The following PCDHA2 variants were observed in gnomAD, a reference collection of about 807,000 sequenced individuals.
PCDHA2 encodes the protein protocadherin alpha-2.
In PCDHA2, 58 loss-of-function variants were observed where a neutral mutation model predicts 66.0. That is an observed-to-expected ratio of 0.88 (90% CI 0.71 to 1.09). The LOEUF is 1.09. Ranked by LOEUF, PCDHA2 falls within the 50% of genes least tolerant of loss-of-function variation. The pLI, the probability that PCDHA2 is intolerant of heterozygous loss-of-function variation, is 0.00. For missense variants in PCDHA2, 1,267 were observed against 1,242.3 expected (o/e 1.02, Z -0.30); for synonymous variants, 634 against 554.0 (o/e 1.14, Z -2.03).
At chr5:140,800,588 T>C (rs1368911514) in intron 1 of PCDHA2, among the ~76,000 whole-genome samples, 1 of 152,230 alleles carries the variant, frequency 6.6e-6, no homozygotes, top group Non-Finnish European at 1.5e-5. Flanking sequence ...AGGTTAATGG[T>C]AAGTTGTCTT....
chr5:140,944,182 G>GTTTGT (rs750577669), intron 1 of PCDHA2, among the ~76,000 whole-genome samples: 5 of 152,052 alleles, frequency 3.3e-5, no homozygotes, highest in East Asian at 1.9e-4. Flanking sequence ...TTTTTTGTTG[G>GTTTGT]TTTGTTTTGT....
intron 1 of PCDHA2, among the ~76,000 whole-genome samples, chr5:140,957,226 C>T (rs1421287024): frequency 1.3e-5 from 2 of 152,080 alleles, no homozygotes; most frequent in African/African-American, 4.8e-5. Context: ...TTTGGCGAAG[C>T]ATTTTGGCAT....
chr5:140,863,326 G>T (rs782427157), intron 1 of PCDHA2: 3 of 1,432,470 alleles, frequency 2.1e-6, no homozygotes, highest in Non-Finnish European at 2.9e-6. Context: ...CAGCCTGTTA[G>T]TGCTCACGTT....
intron 1 of PCDHA2, chr5:140,876,114 A>G: frequency 2.5e-6 from 4 of 1,613,960 alleles, no homozygotes; most frequent in Non-Finnish European, 3.4e-6. Context: ...TGCTGATGGT[A>G]ATCGATGGCG....
intron 1 of PCDHA2, chr5:140,849,973 C>A: frequency 6.3e-7 from 1 of 1,597,728 alleles, no homozygotes; most frequent in Non-Finnish European, 8.6e-7. Flanking sequence ...GTGTCCTACT[C>A]GCTGGTGGAG....
chr5:140,924,178 A>C (rs2081709408), intron 1 of PCDHA2, among the ~76,000 whole-genome samples: 3 of 152,260 alleles, frequency 2.0e-5, no homozygotes. Context: ...GCACTGAAGC[A>C]GAAAATTAGT....
rs1762121773 is a variant in PCDHA2, at chr5:140,796,680, C to A, written c.1716C>A (p.Thr572=). Residue 572 remains threonine, a synonymous_variant, in exon 1 of 4, where the codon ACC becomes ACA. Coordinates refer to ENST00000526136, the MANE Select transcript of PCDHA2 (RefSeq NM_018905.3). ...APALLAPRAG[T]AAGAVSELVP... ...CACTGTTGGCGCCTAGGGCTGGCACCGCTGCTGGCGCAGTGAGTGAGCTGG... is the reference window on the plus strand; with the variant it reads ...CACTGTTGGCGCCTAGGGCTGGCACAGCTGCTGGCGCAGTGAGTGAGCTGG... 6.2e-7 allele frequency: 1 copy of A among 1,613,860 alleles called. No individual in the cohort carries two copies. Among genetic ancestry groups the A allele is most frequent in the South Asian group, 1.1e-5 (1 of 91,058 alleles).
rs2150327556 is a variant in PCDHA2, at chr5:140,842,022, A to G, written c.2388+44670A>G. On this transcript the variant is annotated intron_variant, in intron 1 of 3. Transcript: ENST00000526136. Reference sequence around the variant, plus strand: ...GTTCAGCTGCTGGTCACAGTGCTGGATGTGAATGATAATGCTCCCACTTTC... The same window carrying G: ...GTTCAGCTGCTGGTCACAGTGCTGGGTGTGAATGATAATGCTCCCACTTTC... 11 of 1,613,848 alleles carry G rather than the reference A, an allele frequency of 6.8e-6. No homozygotes were observed. The highest frequency in any genetic ancestry group is 3.3e-5 in the Admixed American group (2 of 60,004).
In PCDHA2 at chr5:140,871,676, A is replaced by G. The variant is rs141392186; in HGVS notation, c.2388+74324A>G. ...TACACATCTTCAGTCTTTTAATCAT[A>G]TGAATAATCTGGCTTCTTTAACCAA... On this transcript the variant is annotated intron_variant, in intron 1 of 3. Coordinates refer to ENST00000526136, the MANE Select transcript of PCDHA2 (RefSeq NM_018905.3). 511 of 1,133,248 alleles carry G rather than the reference A, an allele frequency of 4.5e-4. 2 individuals carry two copies. The African/African-American group carries it at 7.0e-3, about 16-fold the overall frequency. The allele number at this position is 1,133,248 out of a possible 1,614,324, so 70.2% of individuals were successfully genotyped here.
intron 1 of PCDHA2, chr5:140,881,443 G>A: frequency 1.2e-6 from 1 of 818,722 alleles, no homozygotes; most frequent in Non-Finnish European, 1.5e-6. Context: ...TATAAAAACA[G>A]AATCCAAAAC....
intron 1 of PCDHA2, chr5:140,860,591 G>A (rs1379623651): frequency 6.6e-6 from 1 of 152,168 alleles, no homozygotes; most frequent in Non-Finnish European, 1.5e-5. Context: ...TAGGAAAGGA[G>A]TTGGAAGCTC....
At chr5:140,848,653 GGCTGGA>G (rs2150416251) in intron 1 of PCDHA2, 2 of 1,592,726 alleles carry the variant, frequency 1.3e-6, no homozygotes, top group Non-Finnish European at 1.7e-6. Context: ...CAGGACCTGG[GGCTGGA>G]GCTGGCGGAG....
intron 1 of PCDHA2, chr5:140,828,065 AT>A: frequency 2.6e-6 from 4 of 1,559,414 alleles, no homozygotes; most frequent in Non-Finnish European, 3.5e-6. Context: ...AGATCTTCTA[AT>A]GGAAATAAAA....
chr5:140,884,840 A>G (rs2060380495), intron 1 of PCDHA2: 7 of 888,512 alleles, frequency 7.9e-6, no homozygotes, highest in Non-Finnish European at 1.1e-5. Flanking sequence ...TATCCTTCAG[A>G]GTGAAATCTT....
chr5:140,825,585 G>A (rs1768643956), intron 1 of PCDHA2: 1 of 151,552 alleles, frequency 6.6e-6, no homozygotes, highest in Non-Finnish European at 1.5e-5. Flanking sequence ...CCCACACCTG[G>A]CTAATTTTTT....
chr5:140,836,424 C>T (rs2150260544), intron 1 of PCDHA2: 2 of 1,613,814 alleles, frequency 1.2e-6, no homozygotes, highest in Non-Finnish European at 1.7e-6. Flanking sequence ...GGCGTCGTCG[C>T]GGGCATCGTT....
chr5:140,853,170 C>G, intron 1 of PCDHA2: 1 of 964,208 alleles, frequency 1.0e-6, no homozygotes, highest in South Asian at 4.8e-5. Flanking sequence ...TGAGCCACCG[C>G]GCCTGGCCTA....
At chr5:140,954,076 C>T (rs941125208) in intron 1 of PCDHA2, among the ~76,000 whole-genome samples, 4 of 152,150 alleles carry the variant, frequency 2.6e-5, no homozygotes, top group Non-Finnish European at 2.9e-5. Context: ...AGGATAATGG[C>T]TTCCAGCTCC....
intron 1 of PCDHA2, chr5:140,926,342 G>T (rs1238404747): frequency 6.6e-6 from 1 of 152,270 alleles, no homozygotes; most frequent in Admixed American, 6.5e-5. Flanking sequence ...GCCGGGACCC[G>T]ACGCGCGGCT....
Sources: allele counts gnomAD v4.1 joint callset (sites outside exome capture counted in the v4.1 genomes callset), GRCh38; gene constraint gnomAD v4.1.1; transcripts MANE v1.5; gene names NCBI Gene and HGNC (gene_info 2026-07-23, HGNC 2026-07-21).